RASGRF1: variants seen among roughly 807,000 people sequenced by gnomAD.
RASGRF1 encodes Ras protein specific guanine nucleotide releasing factor 1, also known as ras-specific guanine nucleotide-releasing factor 1.
In RASGRF1, 40 loss-of-function variants were observed where a neutral mutation model predicts 138.7. That is an observed-to-expected ratio of 0.29 (90% CI 0.22 to 0.38). The LOEUF is 0.38. Among genes scored for constraint, RASGRF1 ranks in the 10% least tolerant of loss-of-function variants. The pLI is 1.00. For missense variants in RASGRF1, 1,108 were observed against 1,650.4 expected (o/e 0.67, Z 5.69); for synonymous variants, 614 against 663.2 (o/e 0.93, Z 1.14).
At chr15:78,965,412 C>T (rs1014040974) in intron 26 of RASGRF1, among the ~76,000 whole-genome samples, 4 of 152,150 alleles carry the variant, frequency 2.6e-5, no homozygotes, top group African/African-American at 9.7e-5. Flanking sequence ...AATCCCCTCA[C>T]TCATTCATGG....
At chr15:79,011,359 GA>G in intron 13 of RASGRF1, among the ~76,000 whole-genome samples, 1 of 152,286 alleles carries the variant, frequency 6.6e-6, no homozygotes, top group East Asian at 1.9e-4. Flanking sequence ...ATTTATACTA[GA>G]CACAGTATAC....
intron 24 of RASGRF1, among the ~76,000 whole-genome samples, chr15:78,975,016 A>T (rs1209654892): frequency 6.6e-6 from 1 of 152,222 alleles, no homozygotes; most frequent in Non-Finnish European, 1.5e-5. Context: ...AGCAGACAGA[A>T]GTGTTTTTCC....
chr15:79,071,023 C>T (rs2057748195), intron 1 of RASGRF1, among the ~76,000 whole-genome samples: 1 of 152,252 alleles, frequency 6.6e-6, no homozygotes, highest in South Asian at 2.1e-4. Context: ...CTCTGCTGGT[C>T]TCCAGCCCCG....
At chr15:79,011,349 A>C (rs962394686) in intron 13 of RASGRF1, among the ~76,000 whole-genome samples, 2 of 152,204 alleles carry the variant, frequency 1.3e-5, no homozygotes, top group Admixed American at 6.5e-5. Context: ...AGTACAGAAG[A>C]TTTATACTAG....
At chr15:79,020,208 T>C (rs1348928064) in intron 10 of RASGRF1, 104 bp from the exon 11 acceptor site, 2 of 1,069,590 alleles carry the variant, frequency 1.9e-6, no homozygotes, top group South Asian at 1.3e-5. Context: ...GGAGCATCCA[T>C]GTATACACAC....
rs749473627 is a variant in RASGRF1, at chr15:79,035,094, A to T, written c.958+37T>A. 5 of 1,554,512 alleles carry T rather than the reference A, an allele frequency of 3.2e-6. No individual in the cohort carries two copies. In the South Asian group the frequency reaches 5.8e-5, roughly 18 times the overall value. On this transcript the variant is annotated intron_variant, in intron 6 of 26. Transcript: ENST00000558480. Reference sequence around the variant, plus strand: ...CTTTTGGGGTGGCCCCTGGAGGGGGACTTCTCTGGGGGCCGCAGTGAGGGC... The same window carrying T: ...CTTTTGGGGTGGCCCCTGGAGGGGGTCTTCTCTGGGGGCCGCAGTGAGGGC...
intron 5 of RASGRF1, among the ~76,000 whole-genome samples, chr15:79,044,730 A>G (rs1436670291): frequency 6.6e-6 from 1 of 152,220 alleles, no homozygotes; most frequent in East Asian, 1.9e-4. Flanking sequence ...TGTTGAAAAT[A>G]TCAGCTTCAT....
chr15:79,049,697 T>A lies in RASGRF1; in HGVS notation c.532-109A>T, dbSNP rs1595938995. 4 of 834,350 alleles carry A rather than the reference T, an allele frequency of 4.8e-6. No homozygotes were observed. The East Asian group carries it at 7.9e-5, about 16-fold the overall frequency. The allele number at this position is 834,350 out of a possible 1,614,324, so 51.7% of individuals were successfully genotyped here. On this transcript the variant is annotated intron_variant, in intron 3 of 26. Coordinates refer to ENST00000558480, the MANE Select transcript of RASGRF1 (RefSeq NM_001145648.3). ...GGTGGCAGCCGAGTGCCCTGCCTCT[T>A]CTTCCCCAAGAGCCATGATGCCACA...
At position 79,006,278 on chromosome 15, in the gene RASGRF1, G is replaced by A. The variant is rs774930574; in HGVS notation, c.1983C>T (p.Phe661=). 28 of 1,614,114 alleles carry A rather than the reference G, an allele frequency of 1.7e-5. No homozygotes were observed. The Admixed American group carries it at 4.7e-4, about 27-fold the overall frequency. Residue 661 remains phenylalanine (F), a synonymous_variant, in exon 14 of 27, where the codon TTC becomes TTT. Transcript: ENST00000558480. This position sits in a 1 kb window ranked among gnomAD's most constrained non-coding sequence, Gnocchi z 4.0. ...TGGTGAAGACGCGGTAGGAGTGCAG[G>A]AAGGTGTTGAGGAAGTCGATGCTCA... ...RFLSIDFLNT[F]LHSYRVFTTA...
intron 1 of RASGRF1, among the ~76,000 whole-genome samples, chr15:79,088,007 A>C (rs1245204532): frequency 6.6e-6 from 1 of 152,202 alleles, no homozygotes; most frequent in African/African-American, 2.4e-5. Flanking sequence ...ACATGAGTGC[A>C]TCTCATCAAT....
At chr15:79,020,852 A>T (rs1041031767) in intron 10 of RASGRF1, among the ~76,000 whole-genome samples, 5 of 152,318 alleles carry the variant, frequency 3.3e-5, no homozygotes, top group South Asian at 2.1e-4. Flanking sequence ...CTTCCTCTTG[A>T]GTGTGAGCTG....
At chr15:79,017,693 C>T in intron 12 of RASGRF1, 77 bp downstream of exon 12, 1 of 1,432,904 alleles carries the variant, frequency 7.0e-7, no homozygotes, top group Non-Finnish European at 9.4e-7. Context: ...CCACCCCCTA[C>T]CTGCCACCAG....
chr15:79,036,104 G>A (rs371758845), intron 5 of RASGRF1, among the ~76,000 whole-genome samples: 2 of 152,242 alleles, frequency 1.3e-5, no homozygotes, highest in South Asian at 2.1e-4. Context: ...CCCAGGACAA[G>A]CTGTGAGGAC....
chr15:78,980,577 C>A (rs1005127158), intron 24 of RASGRF1, 43 bp downstream of exon 24: 63 of 1,508,742 alleles, frequency 4.2e-5, no homozygotes, highest in Non-Finnish European at 5.5e-5. Context: ...CAATGCAGGT[C>A]TATGATTTTA....
intron 2 of RASGRF1, 131 bp downstream of exon 2, chr15:79,064,289 A>C (rs12443101): frequency 0.15 from 120,658 of 816,986 alleles, 10,307 homozygotes; most frequent in East Asian, 0.3. Flanking sequence ...CCCTGCCAAG[A>C]GATGCTTCTC....
chr15:79,004,065 A>T lies in RASGRF1; in HGVS notation c.2186T>A (p.Ile729Asn). 1 of 1,613,984 alleles carries T rather than the reference A, an allele frequency of 6.2e-7. No individual in the cohort carries two copies. The highest frequency in any genetic ancestry group is 1.3e-5 in the African/African-American group (1 of 75,000). ...RKFSSPPPLSITKTSSPSRRR... is the reference protein window; with the variant it reads ...RKFSSPPPLSNTKTSSPSRRR... ...GCGGCTCGGTGACGATGTCTTGGTG[A>T]TGGACAGAGGTGGCGGCGAGGAGAA... The change falls in exon 15 of 27, where the codon ATC (isoleucine) becomes AAC (asparagine). Residue 729 changes from isoleucine (I) to asparagine (N), a missense_variant. Around this residue, in one of 3 missense-constraint regions of RASGRF1, gnomAD observed 686 missense variants for 976.7 expected, o/e 0.70. Transcript: ENST00000558480.
At chr15:78,972,739 A>G (rs1206018551) in intron 25 of RASGRF1, among the ~76,000 whole-genome samples, 2 of 152,174 alleles carry the variant, frequency 1.3e-5, no homozygotes, top group Non-Finnish European at 2.9e-5. Context: ...GTGAGAGGGG[A>G]GAAGGAGACG....
At chr15:79,017,268 G>A (rs1450717260) in intron 12 of RASGRF1, among the ~76,000 whole-genome samples, 1 of 152,200 alleles carries the variant, frequency 6.6e-6, no homozygotes, top group Non-Finnish European at 1.5e-5. Flanking sequence ...CATAATTGAG[G>A]CTGGGTTTGA....
At chr15:78,968,738 T>C (rs1210436882) in intron 26 of RASGRF1, among the ~76,000 whole-genome samples, 1 of 152,244 alleles carries the variant, frequency 6.6e-6, no homozygotes, top group African/African-American at 2.4e-5. Flanking sequence ...TTCAGTGATG[T>C]CCAGGTGGTG....
Sources: gnomAD v4.1 joint callset for allele counts (sites outside exome capture counted in the v4.1 genomes callset) on GRCh38, gnomAD v4.1.1 for gene constraint, gnomAD v4.1.1 regional missense constraint, Gnocchi (gnomAD v3.1) non-coding constraint, MANE v1.5 for transcripts, NCBI Gene and HGNC (gene_info 2026-07-23, HGNC 2026-07-21) for gene names.